The following MTF2 variants were observed in gnomAD, a reference collection of about 807,000 sequenced individuals.
The protein encoded by MTF2 is metal response element binding transcription factor 2, also known as metal-response element-binding transcription factor 2.
Under a neutral mutation model 79.5 loss-of-function variants are expected in MTF2, and 11 were observed. The ratio of observed to expected loss-of-function variants is 0.14; its 90% CI spans 0.09 to 0.23. MTF2 has a LOEUF of 0.23. Among genes scored for constraint, MTF2 ranks in the 10% least tolerant of loss-of-function variants. The probability of loss-of-function intolerance (pLI) is 1.00; values close to 1 mark genes in which losing one functional copy is unlikely to be tolerated. For missense variants in MTF2, 486 were observed against 711.2 expected (o/e 0.68, Z 3.60); for synonymous variants, 208 against 232.8 (o/e 0.89, Z 0.97).
chr1:93,119,629 A>G, intron 8 of MTF2: 1 of 428,170 alleles, frequency 2.3e-6, no homozygotes, highest in Non-Finnish European at 4.2e-6. Flanking sequence ...TGAAACTTTC[A>G]GATATCCTTT....
Position 93,079,395 on chromosome 1 carries a change from T to G in MTF2, c.-132T>G. 8.8e-7 allele frequency: 1 copy of G among 1,131,832 alleles called. No homozygotes were observed. The highest frequency in any genetic ancestry group is 1.5e-5 in the African/African-American group (1 of 65,992). 70.1% of individuals were successfully genotyped at this position (1,131,832 alleles called of 1,614,324 possible). A position where few individuals can be genotyped will look rare whatever the true frequency, so the allele number is the denominator to read the frequency against. On this transcript the variant is annotated 5_prime_UTR_variant, in exon 1 of 15. Transcript: ENST00000370298. ...CCTTGTCTCCAAGGACCTCGGTTTG[T>G]GCGTGCATATGTGCCGGGTACCCGG...
chr1:93,095,454 C>A (rs1417115718), intron 1 of MTF2, among the ~76,000 whole-genome samples: 1 of 152,148 alleles, frequency 6.6e-6, no homozygotes, highest in Non-Finnish European at 1.5e-5. Context: ...GATTCTCCTG[C>A]CTCAGCCTCC....
intron 1 of MTF2, among the ~76,000 whole-genome samples, chr1:93,079,734 A>G (rs892882238): frequency 6.6e-6 from 1 of 152,110 alleles, no homozygotes; most frequent in Non-Finnish European, 1.5e-5. Flanking sequence ...GGGAGAAAAT[A>G]GGGACTAAAG....
chr1:93,096,490 C>T (rs1456488849), intron 1 of MTF2, among the ~76,000 whole-genome samples: 1 of 151,948 alleles, frequency 6.6e-6, no homozygotes, highest in Non-Finnish European at 1.5e-5. Flanking sequence ...TTTCAGAGGA[C>T]CAGCTTTTGG....
chr1:93,084,658 T>C (rs1229864597), intron 1 of MTF2, among the ~76,000 whole-genome samples: 9 of 152,212 alleles, frequency 5.9e-5, no homozygotes, highest in African/African-American at 2.2e-4. Context: ...TTTAATTTCT[T>C]TCTCTGATAT....
At chr1:93,082,372 T>C (rs6679750) in intron 1 of MTF2, among the ~76,000 whole-genome samples, 151,806 of 152,010 alleles carry the variant, frequency 1, 75,802 homozygotes, top group East Asian at 1. Context: ...CCTCAGACTC[T>C]TGGGCGGAAG....
Position 93,133,752 on chromosome 1 carries a change from C to A in MTF2, c.1210C>A (p.Arg404Ser). ...EKKGKKKSVGRPPGPYTRKMI... is the reference protein window; with the variant it reads ...EKKGKKKSVGSPPGPYTRKMI... Reference sequence around the variant, plus strand: ...AAAAGGAAAGAAAAAATCTGTAGGTCGTCCACCTGGCCCATATACAAGAAA... The same window carrying A: ...AAAAGGAAAGAAAAAATCTGTAGGTAGTCCACCTGGCCCATATACAAGAAA... Residue 404 changes from arginine (R) to serine (S), a missense_variant, in exon 12 of 15, where the codon CGT becomes AGT. This residue lies in a region of MTF2 where 209 missense variants were observed against 206.5 expected (regional missense o/e 1.01). Coordinates refer to ENST00000370298, the MANE Select transcript of MTF2 (RefSeq NM_007358.4). 6.2e-7 allele frequency: 1 copy of A among 1,612,250 alleles called. No homozygotes were observed. Among genetic ancestry groups the A allele is most frequent in the Non-Finnish European group, 8.5e-7 (1 of 1,179,422 alleles).
chr1:93,088,886 T>TA (rs1004573667), intron 1 of MTF2, among the ~76,000 whole-genome samples: 4 of 152,214 alleles, frequency 2.6e-5, no homozygotes, highest in Non-Finnish European at 4.4e-5. Context: ...TTACAATTTT[T>TA]AAAAAAATCT....
At chr1:93,103,364 T>C (rs186965422) in intron 1 of MTF2, among the ~76,000 whole-genome samples, 1 of 151,796 alleles carries the variant, frequency 6.6e-6, no homozygotes, top group African/African-American at 2.4e-5. Context: ...TGTTCCTCCA[T>C]TGGGTAATGG....
rs1161601864 is a variant in MTF2, at chr1:93,138,098, T to C, written c.*1071T>C. ...TAAGTGTAGTATGAACAAAGTATTT[T>C]ATTGCACAGGGTTAACAAACAGTAT... On this transcript the variant is annotated 3_prime_UTR_variant, in exon 15 of 15. Coordinates refer to ENST00000370298, the MANE Select transcript of MTF2 (RefSeq NM_007358.4). 3 of 152,186 alleles carry C rather than the reference T, an allele frequency of 2.0e-5. No homozygotes were observed. Among genetic ancestry groups the C allele is most frequent in the Non-Finnish European group, 4.4e-5 (3 of 68,004 alleles). 9.4% of individuals were successfully genotyped at this position (152,186 alleles called of 1,614,324 possible).
chr1:93,133,109 C>T (rs1647211431), intron 11 of MTF2, among the ~76,000 whole-genome samples: 1 of 151,948 alleles, frequency 6.6e-6, no homozygotes, highest in Admixed American at 6.6e-5. Flanking sequence ...TTTTGAATGA[C>T]TCCCTGAGAA....
At chr1:93,125,456 C>T (rs933095636) in intron 9 of MTF2, among the ~76,000 whole-genome samples, 4 of 151,754 alleles carry the variant, frequency 2.6e-5, no homozygotes, top group Admixed American at 2.6e-4. Context: ...GTAACAAAGT[C>T]GGTGCTTTGG....
At chr1:93,135,761 T>C (rs1241465238) in intron 14 of MTF2, among the ~76,000 whole-genome samples, 1 of 152,184 alleles carries the variant, frequency 6.6e-6, no homozygotes, top group Non-Finnish European at 1.5e-5. Context: ...CTGTGAGCCA[T>C]GATTGTGCCA....
intron 1 of MTF2, among the ~76,000 whole-genome samples, chr1:93,094,303 C>T (rs1655192550): frequency 6.6e-6 from 1 of 152,030 alleles, no homozygotes; most frequent in Non-Finnish European, 1.5e-5. Context: ...TGTAATCACC[C>T]CAGGGTCAAA....
chr1:93,120,802 G>T, intron 9 of MTF2, 130 bp downstream of exon 9: 1 of 1,449,482 alleles, frequency 6.9e-7, no homozygotes, highest in Non-Finnish European at 9.0e-7. Flanking sequence ...TAGTTCTGGG[G>T]ACAAATAAGT....
chr1:93,092,026 C>CT (rs1449909480), intron 1 of MTF2, among the ~76,000 whole-genome samples: 1 of 152,094 alleles, frequency 6.6e-6, no homozygotes, highest in Non-Finnish European at 1.5e-5. Context: ...TTTTCCCCAC[C>CT]TTTTTTCTGT....
chr1:93,108,710 T>C (rs1655909289), intron 1 of MTF2, among the ~76,000 whole-genome samples: 1 of 151,680 alleles, frequency 6.6e-6, no homozygotes, highest in Non-Finnish European at 1.5e-5. Flanking sequence ...GCTGCTTGGA[T>C]GTGTAGATAA....
intron 1 of MTF2, among the ~76,000 whole-genome samples, chr1:93,093,654 T>C (rs1219121337): frequency 1.3e-5 from 2 of 152,218 alleles, no homozygotes; most frequent in Non-Finnish European, 2.9e-5. Context: ...TTAAATACTT[T>C]ATATGGCTGA....
intron 1 of MTF2, among the ~76,000 whole-genome samples, chr1:93,088,748 G>T (rs1654952959): frequency 6.6e-6 from 1 of 151,962 alleles, no homozygotes; most frequent in South Asian, 2.1e-4. Context: ...GTGTTTTTTG[G>T]TAGAGATGGT....
Sources: gnomAD v4.1 joint callset for allele counts (sites outside exome capture counted in the v4.1 genomes callset) on GRCh38, gnomAD v4.1.1 for gene constraint, gnomAD v4.1.1 regional missense constraint, MANE v1.5 for transcripts, NCBI Gene and HGNC (gene_info 2026-07-23, HGNC 2026-07-21) for gene names.